RGMA: variants seen among roughly 807,000 people sequenced by gnomAD.
The protein encoded by RGMA is repulsive guidance molecule A.
RGMA carries 10 observed loss-of-function variants against 23.2 expected under a neutral mutation model. The ratio of observed to expected loss-of-function variants is 0.43; its 90% CI spans 0.27 to 0.73. The LOEUF (loss-of-function observed/expected upper bound fraction) is 0.73, where lower values mean the gene tolerates loss of function less well. Among genes scored for constraint, RGMA ranks in the 30% least tolerant of loss-of-function variants. The pLI is 0.20. For missense variants in RGMA, 547 were observed against 630.5 expected, an observed-to-expected ratio of 0.87 and a Z score of 1.42; for synonymous variants, 308 against 279.3, an observed-to-expected ratio of 1.10 and a Z score of -1.03.
chr15:93,087,228 G>A (rs192280310), intron 1 of RGMA, among the ~76,000 whole-genome samples: 8 of 152,216 alleles, frequency 5.3e-5, no homozygotes, highest in East Asian at 3.9e-4. Flanking sequence ...CTTCAGAACC[G>A]GGTGAGCCCA....
chr15:93,086,223 C>T (rs1166223107), intron 1 of RGMA, among the ~76,000 whole-genome samples: 1 of 152,178 alleles, frequency 6.6e-6, no homozygotes, highest in Admixed American at 6.5e-5. Context: ...CTAAACTTAC[C>T]TTTGGGATGT....
At position 93,052,017 on chromosome 15, in the gene RGMA, G is replaced by A. The variant is rs764502684; in HGVS notation, c.621C>T (p.Gly207=). The change falls in exon 3 of 4, where the codon GGC becomes GGT. Residue 207 remains glycine (G), a synonymous_variant. Coordinates refer to ENST00000329082, the MANE Select transcript of RGMA (RefSeq NM_020211.3). ...VQVTNTPVLP[G]SAATATSKLT... ...CCTTGCTGGTGGCAGTGGCCGCTGA[G>A]CCGGGCAGCACAGGCGTGTTGGTGA... The A allele has an allele frequency of 1.9e-6, 3 of 1,608,000 alleles. No homozygotes were observed. Among genetic ancestry groups the A allele is most frequent in the Non-Finnish European group, 2.5e-6 (3 of 1,177,928 alleles).
At chr15:93,055,567 C>T (rs889071897) in intron 2 of RGMA, among the ~76,000 whole-genome samples, 2 of 152,208 alleles carry the variant, frequency 1.3e-5, no homozygotes, top group South Asian at 2.1e-4. Context: ...TGAGAGCTCA[C>T]GCCCCCGGCA....
chr15:93,055,207 T>G (rs180948932), intron 2 of RGMA, among the ~76,000 whole-genome samples: 5 of 152,170 alleles, frequency 3.3e-5, no homozygotes, highest in Admixed American at 3.3e-4. Context: ...ACGCTCAAGC[T>G]CCGGTTCACC....
rs1262527784 is a variant in RGMA, at chr15:93,052,030, G to C, written c.608C>G (p.Pro203Arg). ...NYLNVQVTNT[P>R]VLPGSAATAT... ...AGTGGCCGCTGAGCCGGGCAGCACA[G>C]GCGTGTTGGTGACCTGCACGTTCAG... The change falls in exon 3 of 4, where the codon CCT becomes CGT. Residue 203 changes from proline to arginine, a missense_variant. Coordinates refer to ENST00000329082, the MANE Select transcript of RGMA (RefSeq NM_020211.3). The C allele has an allele frequency of 6.2e-7, 1 of 1,610,310 alleles. No homozygotes were observed. Among genetic ancestry groups the C allele is most frequent in the Non-Finnish European group, 8.5e-7 (1 of 1,178,772 alleles).
At chr15:93,055,832 G>C (rs145728373) in intron 2 of RGMA, among the ~76,000 whole-genome samples, 2 of 152,290 alleles carry the variant, frequency 1.3e-5, no homozygotes, top group East Asian at 1.9e-4. Flanking sequence ...GGGTAACTCC[G>C]CAGCCTCCTG....
In RGMA at chr15:93,036,924, A is replaced by C. The variant is rs190023356; in HGVS notation, c.*8074T>G. On this transcript the variant is annotated 3_prime_UTR_variant, in exon 4 of 4. Coordinates refer to ENST00000329082, the MANE Select transcript of RGMA (RefSeq NM_020211.3). ...TTTGTGAAATTTGACAAAGCAATGCAGGACTCGTTTCTATTTCCCAAGGAG... is the reference window on the plus strand; with the variant it reads ...TTTGTGAAATTTGACAAAGCAATGCCGGACTCGTTTCTATTTCCCAAGGAG... 1 of 152,358 alleles carries C rather than the reference A, an allele frequency of 6.6e-6. No homozygotes were observed. The highest frequency in any genetic ancestry group is 2.4e-5 in the African/African-American group (1 of 41,564). 9.4% of individuals were successfully genotyped at this position (152,358 alleles called of 1,614,324 possible).
chr15:93,067,188 T>G (rs1348698731), intron 2 of RGMA, among the ~76,000 whole-genome samples: 1 of 152,268 alleles, frequency 6.6e-6, no homozygotes, highest in Non-Finnish European at 1.5e-5. Flanking sequence ...TTTTATTTTA[T>G]TACTTATCCC....
intron 1 of RGMA, among the ~76,000 whole-genome samples, chr15:93,084,692 C>T (rs1030724465): frequency 2.0e-5 from 3 of 152,204 alleles, no homozygotes; most frequent in Non-Finnish European, 4.4e-5. Context: ...ATGCTGGTCT[C>T]GAACCCCTGA....
rs75881425 is a variant in RGMA at position 93,048,704 on chromosome 15, C to T, written c.646-2999G>A. On this transcript the variant is annotated intron_variant, in intron 3 of 3. Transcript: ENST00000329082. ...CTCTACCATTCCTGACCTATGGAAA[C>T]GGCAACTTCATACGGTTCAGCCTCC... Among the ~76,000 whole-genome samples the T allele has an allele frequency of 7.5e-3, 1,138 of 152,254 alleles. 11 individuals carry two copies. The highest frequency in any genetic ancestry group is 0.026 in the African/African-American group (1,086 of 41,552).
chr15:93,078,272 G>A (rs1895505112), intron 1 of RGMA, among the ~76,000 whole-genome samples: 1 of 152,180 alleles, frequency 6.6e-6, no homozygotes. Context: ...ACTGGTTCCA[G>A]GTATTTTTGC....
chr15:93,060,491 G>A (rs1457332409), intron 2 of RGMA, among the ~76,000 whole-genome samples: 1 of 152,150 alleles, frequency 6.6e-6, no homozygotes, highest in Non-Finnish European at 1.5e-5. Flanking sequence ...CAGCTTAAGC[G>A]GTGATGCCCA....
intron 3 of RGMA, among the ~76,000 whole-genome samples, chr15:93,050,014 G>A (rs1372254406): frequency 6.6e-6 from 1 of 152,192 alleles, no homozygotes; most frequent in Admixed American, 6.5e-5. Context: ...TTTGGATGTC[G>A]ACTCCTCTGT....
At chr15:93,046,481 T>C (rs1255282640) in intron 3 of RGMA, among the ~76,000 whole-genome samples, 1 of 152,192 alleles carries the variant, frequency 6.6e-6, no homozygotes, top group East Asian at 1.9e-4. Flanking sequence ...ACTCAGTTTA[T>C]GCTAATTTGC....
rs1318914688 is a variant in RGMA at position 93,038,296 on chromosome 15, G to A, written c.*6702C>T. 2.0e-5 allele frequency: 3 copies of A among 152,246 alleles called. No homozygotes were observed. The highest frequency in any genetic ancestry group is 7.2e-5 in the African/African-American group (3 of 41,432). The allele number at this position is 152,246 out of a possible 1,614,324, so 9.4% of individuals were successfully genotyped here. On this transcript the variant is annotated 3_prime_UTR_variant, in exon 4 of 4. Coordinates refer to ENST00000329082, the MANE Select transcript of RGMA (RefSeq NM_020211.3). ...CCATTGCAGCAAGCTTCTTTCCATT[G>A]TTTCAAGGGTTTGGTAAGTAAGGCC... is the stretch of plus-strand genomic sequence containing the variant.
At chr15:93,088,222 G>A (rs1596110962) in intron 1 of RGMA, 5 of 867,172 alleles carry the variant, frequency 5.8e-6, no homozygotes, top group Non-Finnish European at 6.9e-6. Flanking sequence ...TTGCACCCGA[G>A]CGTCCCCCAC....
chr15:93,087,630 G>A (rs1895660280), intron 1 of RGMA, among the ~76,000 whole-genome samples: 1 of 152,104 alleles, frequency 6.6e-6, no homozygotes, highest in African/African-American at 2.4e-5. Flanking sequence ...GAAATCACCC[G>A]TTTGTGATGC....
chr15:93,088,179 A>G (rs2141852655), intron 1 of RGMA: 1 of 801,854 alleles, frequency 1.2e-6, no homozygotes, highest in Non-Finnish European at 1.5e-6. Context: ...GAGCAAGTCT[A>G]ATACAATTAC....
At chr15:93,047,502 A>G (rs1190987562) in intron 3 of RGMA, among the ~76,000 whole-genome samples, 1 of 151,704 alleles carries the variant, frequency 6.6e-6, no homozygotes, top group Non-Finnish European at 1.5e-5. Context: ...CTGCTGCACT[A>G]CCCTCTCCCA....
Sources: gnomAD v4.1 joint callset for allele counts (sites outside exome capture counted in the v4.1 genomes callset) on GRCh38, gnomAD v4.1.1 for gene constraint, MANE v1.5 for transcripts, NCBI Gene and HGNC (gene_info 2026-07-23, HGNC 2026-07-21) for gene names.